PREX1: variants seen among roughly 807,000 people sequenced by gnomAD.
The protein encoded by PREX1 is phosphatidylinositol-3,4,5-trisphosphate dependent Rac exchange factor 1.
In PREX1, 41 loss-of-function variants were observed where a neutral mutation model predicts 198.3. The observed-to-expected ratio is 0.21, with a 90% CI of 0.16 to 0.27. The LOEUF (loss-of-function observed/expected upper bound fraction) is 0.27, where lower values mean the gene tolerates loss of function less well. Among genes scored for constraint, PREX1 ranks in the 10% least tolerant of loss-of-function variants. PREX1 has a pLI of 1.00. For synonymous variants in PREX1, 843 were observed against 887.2 expected, an observed-to-expected ratio of 0.95 and a Z score of 0.89; for missense variants, 1,620 against 2,200.7, an observed-to-expected ratio of 0.74 and a Z score of 5.28.
At chr20:48,714,921 A>G (rs975867555) in intron 5 of PREX1, among the ~76,000 whole-genome samples, 2 of 152,260 alleles carry the variant, frequency 1.3e-5, no homozygotes, top group African/African-American at 2.4e-5. Context: ...AGACAGGCAT[A>G]AAATGTGGGT....
At chr20:48,672,294 T>C (rs2089680775) in intron 14 of PREX1, among the ~76,000 whole-genome samples, 1 of 152,228 alleles carries the variant, frequency 6.6e-6, no homozygotes, top group Non-Finnish European at 1.5e-5. Context: ...TGCAACGCCC[T>C]ACTCACCCAT....
chr20:48,703,801 G>A (rs759883250), intron 6 of PREX1, among the ~76,000 whole-genome samples: 20 of 152,096 alleles, frequency 1.3e-4, no homozygotes, highest in Non-Finnish European at 2.2e-4. Flanking sequence ...CTGAAATGCC[G>A]AGCACACTAC....
chr20:48,732,609 C>T (rs535828845), intron 4 of PREX1, among the ~76,000 whole-genome samples: 1 of 152,290 alleles, frequency 6.6e-6, no homozygotes, highest in South Asian at 2.1e-4. Context: ...CCTAGAAAGT[C>T]ACTTAATATT....
the PREX1 span, among the ~76,000 whole-genome samples, chr20:48,877,323 G>C: frequency 6.6e-6 from 1 of 151,896 alleles, no homozygotes; most frequent in Non-Finnish European, 1.5e-5. Context: ...TCACGGAATA[G>C]AGAAATCCAG....
At chr20:48,705,664 C>T (rs924498364) in intron 6 of PREX1, among the ~76,000 whole-genome samples, 1 of 152,166 alleles carries the variant, frequency 6.6e-6, no homozygotes, top group East Asian at 1.9e-4. Flanking sequence ...CACTATTAGA[C>T]GTCATTTTTT....
chr20:48,805,987 C>A (rs149999361), intron 1 of PREX1, among the ~76,000 whole-genome samples: 1 of 152,324 alleles, frequency 6.6e-6, no homozygotes, highest in Non-Finnish European at 1.5e-5. Context: ...TAGACCAGGG[C>A]TTCTCCCGCT....
At chr20:48,705,384 T>C (rs1463503757) in intron 6 of PREX1, among the ~76,000 whole-genome samples, 1 of 152,196 alleles carries the variant, frequency 6.6e-6, no homozygotes, top group African/African-American at 2.4e-5. Flanking sequence ...GGAGATCAAA[T>C]TCATGAATGA....
At chr20:48,769,366 C>T (rs1030933475) in intron 1 of PREX1, among the ~76,000 whole-genome samples, 2 of 152,142 alleles carry the variant, frequency 1.3e-5, no homozygotes, top group African/African-American at 4.8e-5. Flanking sequence ...AGGTGTCCCC[C>T]GCCCACCACA....
chr20:48,644,582 T>C, intron 26 of PREX1, 85 bp from the exon 27 acceptor site: 8 of 1,226,700 alleles, frequency 6.5e-6, no homozygotes, highest in Middle Eastern at 2.0e-4. Context: ...TTCTACAGTG[T>C]AGACAAAACC....
intron 1 of PREX1, among the ~76,000 whole-genome samples, chr20:48,784,661 G>A (rs377542463): frequency 4.2e-4 from 64 of 152,282 alleles, no homozygotes; most frequent in African/African-American, 1.3e-3. Context: ...TCAAGAAGCC[G>A]ACCTGCCCAC....
intron 1 of PREX1, among the ~76,000 whole-genome samples, chr20:48,819,892 A>C (rs555385570): frequency 1.3e-5 from 2 of 152,044 alleles, no homozygotes; most frequent in Admixed American, 1.3e-4. Context: ...AACTGCCCAC[A>C]CCCTGACCCC....
At chr20:48,781,423 C>T (rs2090289336) in intron 1 of PREX1, among the ~76,000 whole-genome samples, 1 of 152,208 alleles carries the variant, frequency 6.6e-6, no homozygotes, top group Non-Finnish European at 1.5e-5. Flanking sequence ...AAGCCCTGTG[C>T]TGACCAAACC....
chr20:48,872,863 G>C, the PREX1 span, among the ~76,000 whole-genome samples: 1 of 152,250 alleles, frequency 6.6e-6, no homozygotes, highest in Non-Finnish European at 1.5e-5. Context: ...TCCTGAGTCA[G>C]CCCTTTCAGG....
chr20:48,646,615 G>A (rs2089452887), intron 25 of PREX1, among the ~76,000 whole-genome samples: 1 of 151,606 alleles, frequency 6.6e-6, no homozygotes, highest in South Asian at 2.1e-4. Context: ...CTTGAACCTG[G>A]GAGGCGGAGG....
Position 48,644,479 on chromosome 20 carries a change from T to C in PREX1, c.3531A>G (p.Arg1177=), listed in dbSNP as rs6066802. The C allele has an allele frequency of 0.28, 447,285 of 1,612,432 alleles. 64,045 individuals are homozygous for C. Among genetic ancestry groups the C allele is most frequent in the South Asian group, 0.4 (36,431 of 90,908 alleles). Residue 1177 remains arginine (R), a synonymous_variant, in exon 27 of 40, where the codon CGA becomes CGG. Coordinates refer to ENST00000371941, the MANE Select transcript of PREX1 (RefSeq NM_020820.4). ...CGCTGGTGTAGGACAGGACCGAGTC[T>C]CGATTGCTGTTACACTCGCTGCAAA... ...RDSYSECNSN[R]DSVLSYTSVR...
intron 5 of PREX1, among the ~76,000 whole-genome samples, chr20:48,710,380 C>T (rs960806358): frequency 9.2e-5 from 14 of 152,214 alleles, no homozygotes; most frequent in Non-Finnish European, 1.9e-4. Flanking sequence ...GACCGGTCAA[C>T]AAGGTAATGA....
chr20:48,801,007 G>A (rs968601563), intron 1 of PREX1, among the ~76,000 whole-genome samples: 29 of 152,266 alleles, frequency 1.9e-4, no homozygotes, highest in African/African-American at 6.5e-4. Context: ...CTTAAAATCT[G>A]CCACTTACTA....
At chr20:48,804,054 G>A (rs749637054) in intron 1 of PREX1, among the ~76,000 whole-genome samples, 5 of 152,180 alleles carry the variant, frequency 3.3e-5, no homozygotes, top group Non-Finnish European at 5.9e-5. Context: ...GAGCCCTTGA[G>A]GACACACACC....
At chr20:48,639,698 T>G in intron 30 of PREX1, 68 bp downstream of exon 30, 1 of 1,577,062 alleles carries the variant, frequency 6.3e-7, no homozygotes, top group South Asian at 1.2e-5. Flanking sequence ...CATTCCTGAT[T>G]CTCTCAGGTT....
Sources: allele counts gnomAD v4.1 joint callset (sites outside exome capture counted in the v4.1 genomes callset), GRCh38; gene constraint gnomAD v4.1.1; transcripts MANE v1.5; gene names NCBI Gene and HGNC (gene_info 2026-07-23, HGNC 2026-07-21).